The following EML4 variants were observed in gnomAD, a reference collection of about 807,000 sequenced individuals.
EML4 encodes echinoderm microtubule-associated protein-like 4.
Under a neutral mutation model 129.0 loss-of-function variants are expected in EML4, and 72 were observed. The ratio of observed to expected loss-of-function variants is 0.56; its 90% confidence interval spans 0.46 to 0.68. EML4 has a LOEUF of 0.68. EML4 is among the 30% of genes least tolerant of loss of function. The probability of loss-of-function intolerance (pLI) is 0.00; values close to 1 mark genes in which losing one functional copy is unlikely to be tolerated. For missense variants in EML4, 1,363 were observed against 1,190.6 expected (o/e 1.14, Z -2.13); for synonymous variants, 532 against 405.0 (o/e 1.31, Z -3.77).
chr2:42,317,146 A>G (rs1259769983), intron 18 of EML4, among the ~76,000 whole-genome samples: 1 of 152,090 alleles, frequency 6.6e-6, no homozygotes, highest in Non-Finnish European at 1.5e-5. Flanking sequence ...TAAACACTGT[A>G]CCCTTCCACC....
At chr2:42,317,786 G>A (rs1669322939) in intron 19 of EML4, among the ~76,000 whole-genome samples, 1 of 152,110 alleles carries the variant, frequency 6.6e-6, no homozygotes, top group Admixed American at 6.5e-5. Context: ...ATTTCCATAG[G>A]AAACCTTTAG....
chr2:42,171,642 T>C (rs1670286844), intron 1 of EML4, among the ~76,000 whole-genome samples: 1 of 152,174 alleles, frequency 6.6e-6, no homozygotes, highest in South Asian at 2.1e-4. Context: ...CTTTGGGTGG[T>C]ATGTGATGAG....
intron 1 of EML4, among the ~76,000 whole-genome samples, chr2:42,186,450 TAA>T (rs1671254663): frequency 1.3e-5 from 2 of 152,190 alleles, no homozygotes; most frequent in Admixed American, 1.3e-4. Flanking sequence ...ACAGATAAGA[TAA>T]AGACACATTC....
At chr2:42,306,597 A>G (rs1288998251) in intron 17 of EML4, among the ~76,000 whole-genome samples, 3 of 141,568 alleles carry the variant, frequency 2.1e-5, no homozygotes, top group Non-Finnish European at 4.5e-5. Context: ...GGTTCACGCC[A>G]TTCTCCTGCC....
At chr2:42,310,049 A>G (rs185911808) in intron 17 of EML4, among the ~76,000 whole-genome samples, 2 of 152,222 alleles carry the variant, frequency 1.3e-5, no homozygotes. Context: ...ATTCTTTTGT[A>G]TGTGGATATT....
At chr2:42,283,464 A>C (rs1249068106) in intron 8 of EML4, among the ~76,000 whole-genome samples, 1 of 152,088 alleles carries the variant, frequency 6.6e-6, no homozygotes, top group East Asian at 1.9e-4. Context: ...AATGCTTTTA[A>C]ATTATTTTGT....
intron 1 of EML4, among the ~76,000 whole-genome samples, chr2:42,224,685 A>G (rs1188189298): frequency 1.3e-5 from 2 of 152,076 alleles, no homozygotes; most frequent in African/African-American, 2.4e-5. Context: ...TGAGGGTTTC[A>G]ATTTCCCCTT....
At chr2:42,281,025 A>T in intron 7 of EML4, 52 bp downstream of exon 7, 1 of 1,396,816 alleles carries the variant, frequency 7.2e-7, no homozygotes, top group Non-Finnish European at 9.7e-7. Context: ...TCTAGTTAAC[A>T]AATCAGTTAA....
intron 6 of EML4, among the ~76,000 whole-genome samples, chr2:42,273,768 TAAGA>T (rs893083931): frequency 5.9e-5 from 9 of 152,168 alleles, no homozygotes; most frequent in Non-Finnish European, 1.2e-4. Context: ...ATCTGTGAAA[TAAGA>T]AAGTTAGATT....
intron 2 of EML4, among the ~76,000 whole-genome samples, chr2:42,255,935 C>G (rs994411966): frequency 1.3e-5 from 2 of 152,146 alleles, no homozygotes; most frequent in African/African-American, 2.4e-5. Context: ...TTACTTGACT[C>G]TTAGTATAGA....
chr2:42,242,688 C>CT (rs1353432711), intron 1 of EML4, among the ~76,000 whole-genome samples: 1 of 151,446 alleles, frequency 6.6e-6, no homozygotes, highest in Admixed American at 6.6e-5. Flanking sequence ...CCTTCCTTCC[C>CT]TTTTTTCTCT....
intron 6 of EML4, among the ~76,000 whole-genome samples, chr2:42,272,842 A>T (rs1185624557): frequency 1.3e-5 from 2 of 152,226 alleles, no homozygotes; most frequent in Non-Finnish European, 1.5e-5. Flanking sequence ...GAAAATAAGG[A>T]AAGAGGATGT....
chr2:42,303,391 A>G lies in EML4; in HGVS notation c.1844A>G (p.Gln615Arg), dbSNP rs1233101851. 6.2e-7 allele frequency: 1 copy of G among 1,614,164 alleles called. No homozygotes were observed. Among genetic ancestry groups the G allele is most frequent in the South Asian group, 1.1e-5 (1 of 91,076 alleles). The stretch of plus-strand genomic sequence containing the variant: ...CTCTTGACATGTGCTCAGGACAGGC[A>G]GGTGTGCCTGTGGAACTCAATGGAA... ...DLLLTCAQDR[Q>R]VCLWNSMEHR... Residue 615 changes from glutamine (Q) to arginine (R), a missense_variant, in exon 16 of 23, where the codon CAG becomes CGG. Physicochemically the swap from Gln to Arg is conservative, Grantham distance 43. Transcript: ENST00000318522.
chr2:42,181,257 G>C (rs1160710365), intron 1 of EML4, among the ~76,000 whole-genome samples: 5 of 151,940 alleles, frequency 3.3e-5, no homozygotes, highest in Non-Finnish European at 7.4e-5. Flanking sequence ...TCAGTTTATT[G>C]GTTTATATCT....
intron 6 of EML4, among the ~76,000 whole-genome samples, chr2:42,266,065 A>G (rs111947952): frequency 5.3e-5 from 8 of 152,210 alleles, no homozygotes; most frequent in African/African-American, 1.9e-4. Flanking sequence ...CTATTATAGT[A>G]ACCAGCTGCA....
chr2:42,245,693 T>A lies in EML4; in HGVS notation c.208+6T>A. 6.3e-7 allele frequency: 1 copy of A among 1,590,228 alleles called. No homozygotes were observed. Among genetic ancestry groups the A allele is most frequent in the Non-Finnish European group, 8.5e-7 (1 of 1,170,318 alleles). ...AAAATCAGTCTCAAGTAAAGGTAAT[T>A]GTGTTGTAAAGTTAAAAAGAGTCTT... On this transcript the variant is annotated splice_donor_region_variant and intron_variant, in intron 2 of 22. Coordinates refer to ENST00000318522, the MANE Select transcript of EML4 (RefSeq NM_019063.5).
intron 1 of EML4, among the ~76,000 whole-genome samples, chr2:42,226,988 T>C (rs1674005992): frequency 1.3e-5 from 2 of 152,214 alleles, no homozygotes; most frequent in African/African-American, 2.4e-5. Context: ...TTCCATGAAA[T>C]TCAACAAAGG....
chr2:42,226,373 T>C (rs1487742090), intron 1 of EML4, among the ~76,000 whole-genome samples: 1 of 151,970 alleles, frequency 6.6e-6, no homozygotes, highest in African/African-American at 2.4e-5. Context: ...AAAAAATAAA[T>C]TATGGGCCGG....
intron 17 of EML4, among the ~76,000 whole-genome samples, chr2:42,313,401 G>A (rs936519395): frequency 2.6e-5 from 4 of 152,070 alleles, no homozygotes; most frequent in African/African-American, 4.8e-5. Flanking sequence ...ATTTGGCTCA[G>A]AATAAATCTC....
Sources: gnomAD v4.1 joint callset for allele counts (sites outside exome capture counted in the v4.1 genomes callset) on GRCh38, gnomAD v4.1.1 for gene constraint, MANE v1.5 for transcripts, NCBI Gene and HGNC (gene_info 2026-07-23, HGNC 2026-07-21) for gene names.